Variants in SAMD3 observed in about 807,000 individuals in gnomAD.
SAMD3 encodes sterile alpha motif domain containing 3.
Under a neutral mutation model 58.5 loss-of-function variants are expected in SAMD3, and 63 were observed. The observed-to-expected ratio is 1.08, with a 90% CI of 0.88 to 1.33. The LOEUF is 1.33. Ranked by LOEUF, SAMD3 falls within the 40% of genes most tolerant of loss-of-function variation. SAMD3 has a pLI of 0.00. For missense variants in SAMD3, 604 were observed against 608.4 expected, an observed-to-expected ratio of 0.99 and a Z score of 0.08; for synonymous variants, 220 against 210.3, an observed-to-expected ratio of 1.05 and a Z score of -0.40.
chr6:130,181,460 C>G (rs1792325190), intron 7 of SAMD3, among the ~76,000 whole-genome samples: 1 of 152,176 alleles, frequency 6.6e-6, no homozygotes, highest in African/African-American at 2.4e-5. Flanking sequence ...TCCTTCTACT[C>G]TATGAGTGCA....
chr6:130,175,450 C>G (rs1791633587), intron 8 of SAMD3, among the ~76,000 whole-genome samples: 1 of 152,112 alleles, frequency 6.6e-6, no homozygotes. Flanking sequence ...TCCCTGAAAC[C>G]TGGAGACCAG....
intron 2 of SAMD3, among the ~76,000 whole-genome samples, chr6:130,245,903 TAGG>T (rs1022370287): frequency 1.3e-5 from 2 of 152,030 alleles, no homozygotes; most frequent in African/African-American, 4.8e-5. Context: ...TACACGAACA[TAGG>T]AGAAGGTAGG....
intron 1 of SAMD3, among the ~76,000 whole-genome samples, chr6:130,361,009 T>C (rs2115046551): frequency 6.6e-6 from 1 of 152,320 alleles, no homozygotes; most frequent in Admixed American, 6.5e-5. Flanking sequence ...ACTGTTCTTT[T>C]TTCAAGGTGC....
intron 1 of SAMD3, among the ~76,000 whole-genome samples, chr6:130,320,761 T>A (rs1776557496): frequency 6.6e-6 from 1 of 152,156 alleles, no homozygotes; most frequent in African/African-American, 2.4e-5. Context: ...AATGTCTAAT[T>A]CCATTTATAT....
rs1791696300 is a variant in SAMD3, at chr6:130,176,076, A to G, written c.655-68T>C. 4 of 1,227,280 alleles carry G rather than the reference A, an allele frequency of 3.3e-6. No individual in the cohort carries two copies. In the South Asian group the frequency reaches 3.7e-5, roughly 11 times the overall value. The allele number at this position is 1,227,280 out of a possible 1,614,324, so 76.0% of individuals were successfully genotyped here. A position where few individuals can be genotyped will look rare whatever the true frequency, so the allele number is the denominator to read the frequency against. ...ATAATCCTATATAAACAATACGTCT[A>G]TACAACAACAATACATACCTATCAT... On this transcript the variant is annotated intron_variant, in intron 7 of 11. Transcript: ENST00000439090.
chr6:130,180,949 C>CTTTTTT (rs1311210793), intron 7 of SAMD3, among the ~76,000 whole-genome samples: 3 of 28,388 alleles, frequency 1.1e-4, no homozygotes, highest in Admixed American at 2.8e-4. Context: ...CTTTTTCTTT[C>CTTTTTT]TTTCTTTTTT....
rs1032590493 is a variant in SAMD3, at chr6:130,146,141, T to C, written c.1064A>G (p.Tyr355Cys). Residue 355 changes from tyrosine to cysteine, a missense_variant, in exon 10 of 12, where the codon TAT (tyrosine) becomes TGT (cysteine). By Grantham distance (194) the Tyr-to-Cys change is radical. Coordinates refer to ENST00000439090, the MANE Select transcript of SAMD3 (RefSeq NM_001017373.4). ...EFQLLTRTDI[Y>C]KKTRHILESY... ...TTCCAAAATGTGCCTTGTTTTCTTA[T>C]AAATATCTGTTCTTGTAAGAAGTTG... 8 of 1,598,076 alleles carry C rather than the reference T, an allele frequency of 5.0e-6. No individual in the cohort carries two copies. The highest frequency in any genetic ancestry group is 6.8e-6 in the Non-Finnish European group (8 of 1,173,016).
At chr6:130,167,694 G>A (rs891038086) in intron 8 of SAMD3, among the ~76,000 whole-genome samples, 2 of 152,146 alleles carry the variant, frequency 1.3e-5, no homozygotes, top group Non-Finnish European at 2.9e-5. Context: ...GGGGCTATAC[G>A]CTCTCTGGAC....
chr6:130,291,714 C>G (rs12211647), intron 2 of SAMD3, among the ~76,000 whole-genome samples: 2 of 152,054 alleles, frequency 1.3e-5, no homozygotes, highest in Non-Finnish European at 2.9e-5. Context: ...AAACTAATTT[C>G]TCAGAATTAC....
chr6:130,255,872 C>G (rs1773913370), intron 2 of SAMD3, among the ~76,000 whole-genome samples: 2 of 151,122 alleles, frequency 1.3e-5, no homozygotes, highest in African/African-American at 2.4e-5. Context: ...TTTTTTAAAC[C>G]ATTCAGTCAT....
intron 2 of SAMD3, among the ~76,000 whole-genome samples, chr6:130,274,847 T>A (rs977239492): frequency 3.9e-5 from 6 of 152,100 alleles, no homozygotes; most frequent in Non-Finnish European, 8.8e-5. Flanking sequence ...TATATTTGAT[T>A]GCAATGTCTC....
At chr6:130,176,370 T>C (rs1402438815) in intron 7 of SAMD3, among the ~76,000 whole-genome samples, 1 of 152,234 alleles carries the variant, frequency 6.6e-6, no homozygotes, top group Non-Finnish European at 1.5e-5. Flanking sequence ...ATTTTTCTAG[T>C]GGGTTCTAGA....
intron 1 of SAMD3, among the ~76,000 whole-genome samples, chr6:130,351,759 C>T (rs1583145516): frequency 6.6e-6 from 1 of 152,180 alleles, no homozygotes; most frequent in East Asian, 1.9e-4. Context: ...AAGACACATG[C>T]ACACATATGT....
intron 8 of SAMD3, among the ~76,000 whole-genome samples, chr6:130,165,588 T>C (rs1231069332): frequency 6.6e-6 from 1 of 152,134 alleles, no homozygotes; most frequent in African/African-American, 2.4e-5. Context: ...CAGCCATAAA[T>C]GTAAAGAGCT....
chr6:130,304,926 C>CTTTTT (rs777084920), intron 2 of SAMD3, among the ~76,000 whole-genome samples: 3 of 103,376 alleles, frequency 2.9e-5, no homozygotes, highest in African/African-American at 4.0e-5. Context: ...CATTTTCTTC[C>CTTTTT]TTTTTTTTTT....
intron 4 of SAMD3, among the ~76,000 whole-genome samples, chr6:130,210,513 C>A (rs1162191179): frequency 1.3e-5 from 2 of 151,022 alleles, no homozygotes; most frequent in Non-Finnish European, 2.9e-5. Flanking sequence ...GCAGGAGAAT[C>A]ACTTGAACCT....
At chr6:130,356,647 C>T (rs902706914) in intron 1 of SAMD3, among the ~76,000 whole-genome samples, 4 of 152,336 alleles carry the variant, frequency 2.6e-5, no homozygotes, top group Middle Eastern at 3.4e-3. Flanking sequence ...TAGTTGTTAT[C>T]ACAAGTTGAT....
At chr6:130,313,626 C>A (rs1453089351) in intron 1 of SAMD3, among the ~76,000 whole-genome samples, 2 of 152,178 alleles carry the variant, frequency 1.3e-5, no homozygotes, top group Non-Finnish European at 2.9e-5. Context: ...CCCCACTGTC[C>A]ATTTTCAGCT....
intron 2 of SAMD3, among the ~76,000 whole-genome samples, chr6:130,271,305 C>A (rs1305970254): frequency 6.6e-6 from 1 of 152,164 alleles, no homozygotes; most frequent in African/African-American, 2.4e-5. Context: ...AACCTCTTGT[C>A]AGCAATCTAT....
Sources: allele counts gnomAD v4.1 joint callset (sites outside exome capture counted in the v4.1 genomes callset), GRCh38; gene constraint gnomAD v4.1.1; transcripts MANE v1.5; gene names NCBI Gene and HGNC (gene_info 2026-07-23, HGNC 2026-07-21).